MECOM: variants seen among roughly 807,000 people sequenced by gnomAD.
The protein encoded by MECOM is MDS1 and EVI1 complex locus.
Under a neutral mutation model 116.3 loss-of-function variants are expected in MECOM, and 13 were observed. That is an observed-to-expected ratio of 0.11 (90% confidence interval 0.07 to 0.18). The LOEUF is 0.18. MECOM is among the 10% of genes least tolerant of loss of function. The pLI, the probability that MECOM is intolerant of heterozygous loss-of-function variation, is 1.00. For synonymous variants in MECOM, 528 were observed against 535.2 expected, an observed-to-expected ratio of 0.99 and a Z score of 0.19; for missense variants, 1,299 against 1,509.0, an observed-to-expected ratio of 0.86 and a Z score of 2.31.
intron 1 of MECOM, among the ~76,000 whole-genome samples, chr3:169,562,625 C>G (rs1007047977): frequency 6.6e-6 from 1 of 152,132 alleles, no homozygotes; most frequent in African/African-American, 2.4e-5. Context: ...ATTGAGTTAT[C>G]CAACCCACAA....
chr3:169,349,843 A>T (rs1726002071), intron 2 of MECOM, among the ~76,000 whole-genome samples: 1 of 151,968 alleles, frequency 6.6e-6, no homozygotes, highest in African/African-American at 2.4e-5. Flanking sequence ...CAAGGCTTCA[A>T]TCACAACAAT....
intron 2 of MECOM, among the ~76,000 whole-genome samples, chr3:169,268,917 A>G (rs777332286): frequency 9.9e-5 from 15 of 152,152 alleles, no homozygotes; most frequent in Non-Finnish European, 1.8e-4. Flanking sequence ...GGTGGGCGGA[A>G]GACACACAGT....
intron 9 of MECOM, among the ~76,000 whole-genome samples, chr3:169,111,901 C>T (rs371506741): frequency 5.9e-5 from 9 of 152,100 alleles, no homozygotes; most frequent in African/African-American, 2.2e-4. Context: ...ATAAACTTCC[C>T]CTGATTTTAT....
chr3:169,657,570 G>GCCAGAAC (rs1775689329), intron 1 of MECOM, among the ~76,000 whole-genome samples: 1 of 152,192 alleles, frequency 6.6e-6, no homozygotes, highest in Non-Finnish European at 1.5e-5. Context: ...TTGGCAAGAA[G>GCCAGAAC]CCAGAACCCA....
chr3:169,089,615 C>T (rs1027132150), intron 15 of MECOM, among the ~76,000 whole-genome samples: 2 of 152,036 alleles, frequency 1.3e-5, no homozygotes, highest in Admixed American at 6.6e-5. Context: ...TATATATCTA[C>T]TGAAGTGAAG....
intron 1 of MECOM, among the ~76,000 whole-genome samples, chr3:169,385,567 A>G (rs1475473127): frequency 2.0e-5 from 3 of 152,248 alleles, no homozygotes; most frequent in South Asian, 4.1e-4. Context: ...CAATATTTCA[A>G]TGTAATCTAG....
At chr3:169,165,936 T>C (rs1353210840) in intron 2 of MECOM, among the ~76,000 whole-genome samples, 1 of 152,180 alleles carries the variant, frequency 6.6e-6, no homozygotes, top group East Asian at 1.9e-4. Context: ...TGGTCTTTTT[T>C]TCAGCTTTCA....
At chr3:169,350,638 A>G (rs367916219) in intron 2 of MECOM, among the ~76,000 whole-genome samples, 1 of 151,986 alleles carries the variant, frequency 6.6e-6, no homozygotes, top group Admixed American at 6.6e-5. Flanking sequence ...GCATTTAGAA[A>G]TTACAATATT....
chr3:169,382,098 T>G (rs1732485089), intron 1 of MECOM, among the ~76,000 whole-genome samples: 1 of 152,206 alleles, frequency 6.6e-6, no homozygotes, highest in Non-Finnish European at 1.5e-5. Flanking sequence ...GCCCTTGGTA[T>G]TTCCTTGCCT....
intron 4 of MECOM, among the ~76,000 whole-genome samples, chr3:169,128,612 G>A (rs938659335): frequency 8.0e-5 from 1 of 12,504 alleles, no homozygotes; most frequent in African/African-American, 1.9e-4. Flanking sequence ...TCTGAGCCAT[G>A]TTTAACCTGG....
At chr3:169,358,847 A>G (rs1727739495) in intron 2 of MECOM, among the ~76,000 whole-genome samples, 1 of 151,786 alleles carries the variant, frequency 6.6e-6, no homozygotes, top group South Asian at 2.1e-4. Context: ...ACAGCAACAG[A>G]ATCTTGGTGA....
chr3:169,229,004 T>G (rs1753069354), intron 2 of MECOM, among the ~76,000 whole-genome samples: 1 of 152,162 alleles, frequency 6.6e-6, no homozygotes, highest in African/African-American at 2.4e-5. Flanking sequence ...ACAAAAACAC[T>G]TGATAAAATA....
At chr3:169,357,775 GGAAAA>G (rs1727515193) in intron 2 of MECOM, among the ~76,000 whole-genome samples, 1 of 151,190 alleles carries the variant, frequency 6.6e-6, no homozygotes, top group African/African-American at 2.4e-5. Flanking sequence ...ATTTGCCTAA[GGAAAA>G]GAAAAGATAA....
chr3:169,526,363 G>A (rs1391079735), intron 1 of MECOM, among the ~76,000 whole-genome samples: 1 of 152,158 alleles, frequency 6.6e-6, no homozygotes, highest in African/African-American at 2.4e-5. Context: ...GGAGGTGGGA[G>A]GAGTTTGACA....
At chr3:169,509,879 A>T (rs1409963123) in intron 1 of MECOM, among the ~76,000 whole-genome samples, 1 of 152,214 alleles carries the variant, frequency 6.6e-6, no homozygotes, top group Non-Finnish European at 1.5e-5. Context: ...ATTCAGGAAG[A>T]GTCCAAGCCG....
At chr3:169,584,421 C>A (rs951922153) in intron 1 of MECOM, among the ~76,000 whole-genome samples, 1 of 151,414 alleles carries the variant, frequency 6.6e-6, no homozygotes, top group Admixed American at 6.6e-5. Flanking sequence ...AAAAATTAGC[C>A]GGGCGTGGTG....
In MECOM at chr3:169,611,908, G is replaced by A. The variant is rs548089382; in HGVS notation, c.37+51428C>T. ...TATGATCCTCCAGAGTCTAGAACAC[G>A]GTTTCTAAATCTCAACGCTATTGAC... On this transcript the variant is annotated intron_variant, in intron 1 of 16. Coordinates refer to ENST00000651503, the MANE Select transcript of MECOM (RefSeq NM_004991.4). This position sits in a 1 kb window ranked among gnomAD's most constrained non-coding sequence, Gnocchi z 4.1. Among the ~76,000 whole-genome samples, 4 of 152,228 alleles carry A rather than the reference G, an allele frequency of 2.6e-5. No individual in the cohort carries two copies. Among genetic ancestry groups the A allele is most frequent in the African/African-American group, 4.8e-5 (2 of 41,558 alleles).
chr3:169,092,948 A>T lies in MECOM; in HGVS notation c.3164+10T>A. ...CGTCACAGAGTTTAAAAAGTAAAAG[A>T]CAGCTTTACCTCTCCTCCACATTCC... On this transcript the variant is annotated intron_variant, in intron 14 of 16. Transcript: ENST00000651503. The T allele has an allele frequency of 6.2e-7, 1 of 1,613,152 alleles. No individual in the cohort carries two copies. The highest frequency in any genetic ancestry group is 8.5e-7 in the Non-Finnish European group (1 of 1,179,644).
intron 2 of MECOM, among the ~76,000 whole-genome samples, chr3:169,333,069 A>G (rs1413770195): frequency 6.6e-6 from 1 of 152,240 alleles, no homozygotes; most frequent in Non-Finnish European, 1.5e-5. Flanking sequence ...ATTTAAATTA[A>G]TAATATCCTT....
Sources: gnomAD v4.1 joint callset for allele counts (sites outside exome capture counted in the v4.1 genomes callset) on GRCh38, gnomAD v4.1.1 for gene constraint, Gnocchi (gnomAD v3.1) non-coding constraint, MANE v1.5 for transcripts, NCBI Gene and HGNC (gene_info 2026-07-23, HGNC 2026-07-21) for gene names.